The following GPC5 variants were observed in gnomAD, a reference collection of about 807,000 sequenced individuals.
GPC5 encodes glypican 5.
GPC5 carries 47 observed loss-of-function variants against 53.9 expected under a neutral mutation model. The ratio of observed to expected loss-of-function variants is 0.87; its 90% confidence interval spans 0.69 to 1.11. The LOEUF (loss-of-function observed/expected upper bound fraction) is 1.11, where lower values mean the gene tolerates loss of function less well. Among genes scored for constraint, GPC5 ranks in the 50% most tolerant of loss-of-function variants. The pLI is 0.00. For missense variants in GPC5, 748 were observed against 713.1 expected (o/e 1.05, Z -0.56); for synonymous variants, 286 against 263.3 (o/e 1.09, Z -0.84).
chr13:92,119,869 A>G (rs1446204241), intron 6 of GPC5, among the ~76,000 whole-genome samples: 1 of 152,032 alleles, frequency 6.6e-6, no homozygotes, highest in Non-Finnish European at 1.5e-5. Context: ...CTGCACAACT[A>G]TACATATAAG....
intron 7 of GPC5, among the ~76,000 whole-genome samples, chr13:92,365,618 T>C (rs2139287350): frequency 6.6e-6 from 1 of 151,814 alleles, no homozygotes; most frequent in South Asian, 2.1e-4. Flanking sequence ...TCTGTCTTTA[T>C]ATCCTTATTC....
intron 7 of GPC5, among the ~76,000 whole-genome samples, chr13:92,729,349 T>C (rs1888736670): frequency 6.6e-6 from 1 of 151,420 alleles, no homozygotes; most frequent in South Asian, 2.1e-4. Context: ...TATTGAGCAT[T>C]TGTAATGTAA....
chr13:92,611,334 CTT>C (rs1429776886), intron 7 of GPC5, among the ~76,000 whole-genome samples: 1 of 152,126 alleles, frequency 6.6e-6, no homozygotes, highest in Non-Finnish European at 1.5e-5. Flanking sequence ...CCGGATGACT[CTT>C]TGAGAATCAG....
chr13:92,516,929 C>A (rs1880809855), intron 7 of GPC5, among the ~76,000 whole-genome samples: 1 of 152,044 alleles, frequency 6.6e-6, no homozygotes, highest in Admixed American at 6.6e-5. Flanking sequence ...CCTTTCCTAG[C>A]CAAGGGAAGG....
At chr13:91,484,346 G>C (rs1883475247) in intron 2 of GPC5, among the ~76,000 whole-genome samples, 1 of 152,106 alleles carries the variant, frequency 6.6e-6, no homozygotes, top group African/African-American at 2.4e-5. Context: ...TTATTGCATT[G>C]ATTACTGAAG....
intron 1 of GPC5, among the ~76,000 whole-genome samples, chr13:91,400,213 C>A (rs938347820): frequency 6.6e-6 from 1 of 152,174 alleles, no homozygotes; most frequent in African/African-American, 2.4e-5. Flanking sequence ...TTGTGGAGGA[C>A]GCTTAAGTCT....
At chr13:91,730,777 T>C (rs2036679800) in intron 4 of GPC5, among the ~76,000 whole-genome samples, 1 of 152,206 alleles carries the variant, frequency 6.6e-6, no homozygotes. Context: ...AATAATATGA[T>C]TTTTTTCTAG....
chr13:92,396,840 T>A (rs561817074), intron 7 of GPC5, among the ~76,000 whole-genome samples: 1 of 152,310 alleles, frequency 6.6e-6, no homozygotes, highest in East Asian at 1.9e-4. Flanking sequence ...CTTATCCCAC[T>A]TTGGTGAGAC....
chr13:92,363,514 T>G (rs750203384), intron 7 of GPC5, among the ~76,000 whole-genome samples: 64 of 151,522 alleles, frequency 4.2e-4, no homozygotes, highest in Admixed American at 1.0e-3. Context: ...CACAATAGAG[T>G]TCTCTCTCCT....
At chr13:92,582,973 C>A (rs1883418132) in intron 7 of GPC5, among the ~76,000 whole-genome samples, 1 of 152,074 alleles carries the variant, frequency 6.6e-6, no homozygotes, top group Non-Finnish European at 1.5e-5. Flanking sequence ...ATTTGGACAC[C>A]TTTTATTTCT....
intron 7 of GPC5, among the ~76,000 whole-genome samples, chr13:92,527,477 G>A (rs1003650512): frequency 2.0e-5 from 3 of 152,058 alleles, no homozygotes; most frequent in South Asian, 2.1e-4. Context: ...AGGGGGTAAG[G>A]TGTGGCTGTT....
chr13:92,782,196 A>T (rs1876052090), intron 7 of GPC5, among the ~76,000 whole-genome samples: 1 of 152,172 alleles, frequency 6.6e-6, no homozygotes, highest in Non-Finnish European at 1.5e-5. Context: ...TCATCTCCTT[A>T]GGATAATTTT....
chr13:92,494,194 ATTCTCCTGCCTCAGCC>A, intron 7 of GPC5, among the ~76,000 whole-genome samples: 1 of 151,916 alleles, frequency 6.6e-6, no homozygotes, highest in East Asian at 1.9e-4. Context: ...GGTTCACGCC[ATTCTCCTGCCTCAGCC>A]TCCCGAGTAG....
At chr13:92,840,096 TA>T (rs1436753555) in intron 7 of GPC5, among the ~76,000 whole-genome samples, 1 of 66,710 alleles carries the variant, frequency 1.5e-5, no homozygotes, top group East Asian at 6.2e-4. Context: ...TATATATATA[TA>T]TATATATATA....
chr13:92,518,653 A>G (rs1334974658), intron 7 of GPC5, among the ~76,000 whole-genome samples: 1 of 152,236 alleles, frequency 6.6e-6, no homozygotes, highest in Non-Finnish European at 1.5e-5. Context: ...AGGAACAACC[A>G]ATAACAGCCA....
At chr13:91,527,586 A>T (rs1886147353) in intron 2 of GPC5, among the ~76,000 whole-genome samples, 1 of 152,220 alleles carries the variant, frequency 6.6e-6, no homozygotes, top group Non-Finnish European at 1.5e-5. Context: ...TCTGGAGGAC[A>T]GTGCCCACTT....
At chr13:92,092,573 A>C (rs2041389589) in intron 6 of GPC5, among the ~76,000 whole-genome samples, 1 of 152,210 alleles carries the variant, frequency 6.6e-6, no homozygotes, top group African/African-American at 2.4e-5. Flanking sequence ...TATCATTCCC[A>C]GATTAATATA....
chr13:92,421,139 T>C (rs1876539964), intron 7 of GPC5, among the ~76,000 whole-genome samples: 1 of 152,224 alleles, frequency 6.6e-6, no homozygotes, highest in Non-Finnish European at 1.5e-5. Flanking sequence ...ATGACATCTT[T>C]GCCAAGTTCC....
intron 2 of GPC5, among the ~76,000 whole-genome samples, chr13:91,651,718 C>CA (rs36117858): frequency 0.025 from 2,259 of 91,748 alleles, 53 homozygotes; most frequent in African/African-American, 0.067. Context: ...AACTCAGTCT[C>CA]AAAAAAAAAA....
Sources: allele counts gnomAD v4.1 joint callset (sites outside exome capture counted in the v4.1 genomes callset), GRCh38; gene constraint gnomAD v4.1.1; transcripts MANE v1.5; gene names NCBI Gene and HGNC (gene_info 2026-07-23, HGNC 2026-07-21).